The following IL1RAP variants were observed in gnomAD, a reference collection of about 807,000 sequenced individuals.
IL1RAP encodes interleukin 1 receptor accessory protein.
Under a neutral mutation model 60.7 loss-of-function variants are expected in IL1RAP, and 35 were observed. The ratio of observed to expected loss-of-function variants is 0.58; its 90% confidence interval spans 0.44 to 0.76. The LOEUF is 0.76. Among genes scored for constraint, IL1RAP ranks in the 30% least tolerant of loss-of-function variants. The probability of loss-of-function intolerance (pLI) is 0.00; values close to 1 mark genes in which losing one functional copy is unlikely to be tolerated. For synonymous variants in IL1RAP, 268 were observed against 250.9 expected (o/e 1.07, Z -0.64); for missense variants, 572 against 693.9 (o/e 0.82, Z 1.97).
At chr3:190,604,527 T>C in intron 4 of IL1RAP, 114 bp downstream of exon 4, 1 of 1,103,444 alleles carries the variant, frequency 9.1e-7, no homozygotes, top group Non-Finnish European at 1.3e-6. Context: ...AGATAGAGTT[T>C]AGTGAGGTAA....
chr3:190,564,381 TA>T, intron 3 of IL1RAP, 28 bp downstream of exon 3: 1 of 1,504,756 alleles, frequency 6.6e-7, no homozygotes, highest in Non-Finnish European at 9.3e-7. Context: ...GACAATGTAT[TA>T]AAATGCAAGT....
intron 1 of IL1RAP, among the ~76,000 whole-genome samples, chr3:190,517,568 C>T (rs1157718499): frequency 6.6e-6 from 1 of 152,160 alleles, no homozygotes; most frequent in Non-Finnish European, 1.5e-5. Flanking sequence ...TGTTTCTGGC[C>T]CAGGCAGTGG....
At chr3:190,557,850 T>C (rs1253725416) in intron 2 of IL1RAP, among the ~76,000 whole-genome samples, 1 of 152,170 alleles carries the variant, frequency 6.6e-6, no homozygotes, top group Non-Finnish European at 1.5e-5. Context: ...GAATATTAAC[T>C]CATGTATCGA....
At chr3:190,611,921 C>T (rs185715514) in intron 5 of IL1RAP, among the ~76,000 whole-genome samples, 4 of 152,120 alleles carry the variant, frequency 2.6e-5, no homozygotes, top group Admixed American at 6.5e-5. Flanking sequence ...TTAGTTGGAT[C>T]TTTTTCATTT....
At chr3:190,537,097 G>A (rs113981478) in intron 1 of IL1RAP, among the ~76,000 whole-genome samples, 168 of 152,180 alleles carry the variant, frequency 1.1e-3, no homozygotes, top group African/African-American at 3.9e-3. Flanking sequence ...AGTGAGACTC[G>A]TAGCCTATCT....
At chr3:190,636,544 AT>A (rs1296276478) in intron 9 of IL1RAP, among the ~76,000 whole-genome samples, 5 of 150,614 alleles carry the variant, frequency 3.3e-5, no homozygotes, top group Admixed American at 6.6e-5. Context: ...TAATTAATTA[AT>A]TTTTTTTTGG....
chr3:190,634,718 TGTTGTTG>T (rs1255122283), intron 9 of IL1RAP, among the ~76,000 whole-genome samples: 18 of 137,458 alleles, frequency 1.3e-4, no homozygotes, highest in South Asian at 4.5e-4. Context: ...TTTTTTTTTT[TGTTGTTG>T]TTTTTTTTGA....
chr3:190,588,320 G>A (rs1194693493), intron 3 of IL1RAP, among the ~76,000 whole-genome samples: 1 of 152,172 alleles, frequency 6.6e-6, no homozygotes, highest in Non-Finnish European at 1.5e-5. Context: ...CACCATGTTG[G>A]CCAGGTTGGT....
intron 1 of IL1RAP, among the ~76,000 whole-genome samples, chr3:190,544,415 T>C (rs1724200374): frequency 6.6e-6 from 1 of 152,232 alleles, no homozygotes; most frequent in African/African-American, 2.4e-5. Context: ...AGCTAGTCAT[T>C]ATGCCATTGT....
intron 9 of IL1RAP, among the ~76,000 whole-genome samples, chr3:190,637,918 T>C (rs574192334): frequency 6.6e-6 from 1 of 152,182 alleles, no homozygotes; most frequent in South Asian, 2.1e-4. Flanking sequence ...ACTCAGCAAA[T>C]GTTCTTGATA....
intron 1 of IL1RAP, among the ~76,000 whole-genome samples, chr3:190,516,538 T>C (rs6800625): frequency 0.12 from 18,314 of 152,182 alleles, 1,956 homozygotes; most frequent in East Asian, 0.47. Context: ...GTGCATTCTG[T>C]ATATATGATA....
At chr3:190,654,490 C>T (rs1452381950), downstream of IL1RAP, among the ~76,000 whole-genome samples, 2 of 152,130 alleles carry the variant, frequency 1.3e-5, no homozygotes, top group Admixed American at 6.5e-5. Context: ...ATGAATGAAA[C>T]AAAATGTCTC....
chr3:190,546,766 C>G (rs1370754532), intron 1 of IL1RAP, among the ~76,000 whole-genome samples: 1 of 152,068 alleles, frequency 6.6e-6, no homozygotes, highest in African/African-American at 2.4e-5. Flanking sequence ...TACAATGAGC[C>G]CTATGCAAAT....
intron 1 of IL1RAP, among the ~76,000 whole-genome samples, chr3:190,542,542 T>A (rs1458712367): frequency 1.3e-5 from 2 of 152,172 alleles, no homozygotes; most frequent in Non-Finnish European, 2.9e-5. Context: ...ATTTGGAAAA[T>A]ACTTGTTGAG....
chr3:190,653,726 A>G (rs2108873337), downstream of IL1RAP, among the ~76,000 whole-genome samples: 1 of 152,328 alleles, frequency 6.6e-6, no homozygotes, highest in East Asian at 1.9e-4. Flanking sequence ...TCATTATTAT[A>G]TGGCCATACC....
chr3:190,650,754 A>G lies in IL1RAP; in HGVS notation c.*2049A>G. ...TTTTTCCCTATTAGAAACCACAATT[A>G]CTCCCTCTATTAACCCTTCACTTAC... On this transcript the variant is annotated 3_prime_UTR_variant, in exon 12 of 12. Coordinates refer to ENST00000447382, the MANE Select transcript of IL1RAP (RefSeq NM_002182.4). 2 of 983,060 alleles carry G rather than the reference A, an allele frequency of 2.0e-6. No individual in the cohort carries two copies. Among genetic ancestry groups the G allele is most frequent in the Non-Finnish European group, 2.4e-6 (2 of 827,932 alleles). 60.9% of individuals were successfully genotyped at this position (983,060 alleles called of 1,614,324 possible).
At chr3:190,580,497 A>G (rs1727898079) in intron 3 of IL1RAP, among the ~76,000 whole-genome samples, 1 of 152,228 alleles carries the variant, frequency 6.6e-6, no homozygotes, top group Non-Finnish European at 1.5e-5. Context: ...AAATCCTGCC[A>G]TATGCATAGA....
intron 8 of IL1RAP, among the ~76,000 whole-genome samples, chr3:190,628,418 A>G (rs1000399817): frequency 6.6e-6 from 1 of 152,232 alleles, no homozygotes; most frequent in Non-Finnish European, 1.5e-5. Context: ...TGTTCATAGG[A>G]TAGCAGTGGC....
At chr3:190,531,915 AT>A (rs1463816731) in intron 1 of IL1RAP, among the ~76,000 whole-genome samples, 2 of 152,218 alleles carry the variant, frequency 1.3e-5, no homozygotes, top group Non-Finnish European at 2.9e-5. Context: ...CGCAGCAGCC[AT>A]TAAATGGAAT....
Sources: allele counts gnomAD v4.1 joint callset (sites outside exome capture counted in the v4.1 genomes callset), GRCh38; gene constraint gnomAD v4.1.1; transcripts MANE v1.5; gene names NCBI Gene and HGNC (gene_info 2026-07-23, HGNC 2026-07-21).